PRKN: variants seen among roughly 807,000 people sequenced by gnomAD.
PRKN encodes the protein E3 ubiquitin-protein ligase parkin.
PRKN carries 56 observed loss-of-function variants against 59.5 expected under a neutral mutation model. The observed-to-expected ratio is 0.94, with a 90% confidence interval of 0.76 to 1.18. The LOEUF (loss-of-function observed/expected upper bound fraction) is 1.18. Ranked by LOEUF, PRKN falls within the 50% of genes most tolerant of loss-of-function variation. The probability of loss-of-function intolerance (pLI) is 0.00; values close to 1 mark genes in which losing one functional copy is unlikely to be tolerated. For synonymous variants in PRKN, 250 were observed against 222.1 expected, an observed-to-expected ratio of 1.13 and a Z score of -1.12; for missense variants, 657 against 596.4, an observed-to-expected ratio of 1.10 and a Z score of -1.06.
Position 161,373,972 on chromosome 6 carries a change from G to A in PRKN, c.1167+12822C>T, listed in dbSNP as rs879136188. ...TGGCTGGGGTGCCTTTCAAAGTGGC[G>A]TTCACTCCCTTTTCCCCCAGGTCAT... is the stretch of plus-strand genomic sequence containing the variant. On this transcript the variant is annotated intron_variant, in intron 10 of 11. Transcript: ENST00000366898. This position sits in a 1 kb window ranked among gnomAD's most constrained non-coding sequence, Gnocchi z 4.8. 6.6e-6 allele frequency among the ~76,000 whole-genome samples: 1 copy of A among 152,122 alleles called. No individual in the cohort carries two copies. The highest frequency in any genetic ancestry group is 1.5e-5 in the Non-Finnish European group (1 of 68,026).
chr6:161,938,641 C>T (rs142751753), intron 6 of PRKN, among the ~76,000 whole-genome samples: 29 of 152,230 alleles, frequency 1.9e-4, no homozygotes, highest in African/African-American at 5.1e-4. Flanking sequence ...GACGTTGAAA[C>T]GAAAGAAACA....
chr6:161,764,253 G>A (rs945462609), intron 7 of PRKN, among the ~76,000 whole-genome samples: 3 of 152,110 alleles, frequency 2.0e-5, no homozygotes, highest in Non-Finnish European at 4.4e-5. Context: ...ATAAATATCT[G>A]AAACCCCCAC....
At chr6:161,997,860 TG>T (rs1397235642) in intron 5 of PRKN, among the ~76,000 whole-genome samples, 3 of 152,112 alleles carry the variant, frequency 2.0e-5, no homozygotes, top group Non-Finnish European at 4.4e-5. Flanking sequence ...ATTACTTGGC[TG>T]GTTATATATA....
intron 6 of PRKN, among the ~76,000 whole-genome samples, chr6:161,880,648 C>G (rs1023744198): frequency 6.6e-6 from 1 of 152,156 alleles, no homozygotes; most frequent in Admixed American, 6.5e-5. Context: ...CTCCACCGGC[C>G]ATGGGAAGCC....
rs1024582287 is a variant in PRKN at position 162,567,802 on chromosome 6, A to T, written c.8-124329T>A. Among the ~76,000 whole-genome samples the T allele has an allele frequency of 2.6e-5, 4 of 152,278 alleles. No individual in the cohort carries two copies. In the East Asian group the frequency reaches 5.8e-4, roughly 22 times the overall value. On this transcript the variant is annotated intron_variant, in intron 1 of 11. Transcript: ENST00000366898. ...CATGGCACCACAAAAGACCCAGAAT[A>T]GCCAAAGTTATCCTAAGCAAAAGGA...
intron 7 of PRKN, among the ~76,000 whole-genome samples, chr6:161,653,545 C>T (rs1021814155): frequency 4.6e-5 from 7 of 152,134 alleles, no homozygotes; most frequent in African/African-American, 7.2e-5. Context: ...CATCCGGGTG[C>T]GTGCCATGAA....
chr6:162,046,379 C>T (rs1265605925), intron 5 of PRKN, among the ~76,000 whole-genome samples: 4 of 152,294 alleles, frequency 2.6e-5, no homozygotes, highest in African/African-American at 9.6e-5. Context: ...AACAGAAGAT[C>T]GCAGATCATC....
chr6:161,569,550 C>T lies in PRKN; in HGVS notation c.872-134G>A, dbSNP rs1053967320. The T allele has an allele frequency of 1.0e-5, 8 of 769,528 alleles. No individual in the cohort carries two copies. The African/African-American group carries it at 1.4e-4, about 13-fold the overall frequency. 47.7% of individuals were successfully genotyped at this position (769,528 alleles called of 1,614,324 possible). A position where few individuals can be genotyped will look rare whatever the true frequency, so the allele number is the denominator to read the frequency against. ...CACAGACGTGTACCTGAAAAACACACATCTAACCAACCACAAAAAAAGCCA... is the reference window on the plus strand; with the variant it reads ...CACAGACGTGTACCTGAAAAACACATATCTAACCAACCACAAAAAAAGCCA... On this transcript the variant is annotated intron_variant, in intron 7 of 11. Transcript: ENST00000366898.
chr6:162,328,970 C>G (rs553889799), intron 2 of PRKN, among the ~76,000 whole-genome samples: 1 of 152,176 alleles, frequency 6.6e-6, no homozygotes, highest in African/African-American at 2.4e-5. Flanking sequence ...GTGTTAGGAC[C>G]AAGAATATTA....
chr6:161,594,717 C>T (rs1781851460), intron 7 of PRKN, among the ~76,000 whole-genome samples: 3 of 108,658 alleles, frequency 2.8e-5, no homozygotes, highest in African/African-American at 1.4e-4. Context: ...TATGAAATTT[C>T]AAGTTGACTG....
At position 161,550,723 on chromosome 6, in the gene PRKN, ATGTGTGTGTGTGCACGTGTG is replaced by A. The variant is rs1554275142; in HGVS notation, c.934-1740_934-1721del. On this transcript the variant is annotated intron_variant, in intron 8 of 11. Transcript: ENST00000366898. This position sits in a 1 kb window ranked among gnomAD's most constrained non-coding sequence, Gnocchi z 4.0. Reference sequence around the variant, plus strand: ...GGACAACTGTGGTAGAAGAAAGGGTATGTGTGTGTGTGCACGTGTGTGTGTGTGTGTGTGTGTGTAGGGAG... The same window carrying A: ...GGACAACTGTGGTAGAAGAAAGGGTATGTGTGTGTGTGTGTGTGTAGGGAG... Among the ~76,000 whole-genome samples the A allele has an allele frequency of 8.4e-6, 1 of 119,350 alleles. No homozygotes were observed. Among genetic ancestry groups the A allele is most frequent in the African/African-American group, 3.2e-5 (1 of 31,564 alleles). The allele number at this position is 119,350 out of a possible 152,430, so 78.3% of individuals were successfully genotyped here.
chr6:161,842,236 C>T (rs1435994162), intron 6 of PRKN, among the ~76,000 whole-genome samples: 1 of 152,056 alleles, frequency 6.6e-6, no homozygotes, highest in African/African-American at 2.4e-5. Context: ...TGGTGGCTCA[C>T]TCCTGTAATC....
At chr6:161,876,158 T>G (rs986687618) in intron 6 of PRKN, among the ~76,000 whole-genome samples, 26 of 152,196 alleles carry the variant, frequency 1.7e-4, no homozygotes, top group African/African-American at 5.5e-4. Flanking sequence ...TATAAATGTT[T>G]TAACATTTTT....
chr6:161,934,858 A>G (rs1779295405), intron 6 of PRKN, among the ~76,000 whole-genome samples: 1 of 152,096 alleles, frequency 6.6e-6, no homozygotes, highest in South Asian at 2.1e-4. Context: ...AAGTTTCAGG[A>G]TGTTTTTTTC....
intron 1 of PRKN, among the ~76,000 whole-genome samples, chr6:162,531,849 G>T (rs2128196869): frequency 6.6e-6 from 1 of 151,588 alleles, no homozygotes; most frequent in Admixed American, 6.6e-5. Context: ...TTGCAAAGGT[G>T]GTTTCACTTG....
At chr6:162,718,515 T>C (rs1778809826) in intron 1 of PRKN, among the ~76,000 whole-genome samples, 1 of 151,814 alleles carries the variant, frequency 6.6e-6, no homozygotes, top group Admixed American at 6.6e-5. Context: ...ATCGAGACCA[T>C]CCTGACTAAC....
intron 2 of PRKN, among the ~76,000 whole-genome samples, chr6:162,289,239 C>T (rs1013851568): frequency 6.6e-6 from 1 of 152,138 alleles, no homozygotes; most frequent in Non-Finnish European, 1.5e-5. Context: ...TGTGCCTGCA[C>T]ATCGTCCTGC....
Position 162,239,170 on chromosome 6 carries a change from G to A in PRKN, c.412+23355C>T, listed in dbSNP as rs145515770. 3.7e-3 allele frequency among the ~76,000 whole-genome samples: 565 copies of A among 152,152 alleles called. 2 individuals are homozygous for A. The highest frequency in any genetic ancestry group is 0.013 in the African/African-American group (535 of 41,486). ...TGGATTTGATGGTATGTAGTAATAC[G>A]TCTCTATGGCAAGCTCATCTCCTGG... On this transcript the variant is annotated intron_variant, in intron 3 of 11. Transcript: ENST00000366898.
intron 7 of PRKN, among the ~76,000 whole-genome samples, chr6:161,693,100 T>C (rs1344433763): frequency 2.0e-5 from 3 of 152,072 alleles, no homozygotes; most frequent in African/African-American, 7.2e-5. Flanking sequence ...TAGATGTCTT[T>C]AGAATTAAAA....
Sources: allele counts gnomAD v4.1 joint callset (sites outside exome capture counted in the v4.1 genomes callset), GRCh38; gene constraint gnomAD v4.1.1; non-coding constraint Gnocchi (gnomAD v3.1); transcripts MANE v1.5; gene names NCBI Gene and HGNC (gene_info 2026-07-23, HGNC 2026-07-21).